The following MBD5 variants were observed in gnomAD, a reference collection of about 807,000 sequenced individuals.
MBD5 encodes the protein methyl-CpG-binding domain protein 5.
In MBD5, 13 loss-of-function variants were observed where a neutral mutation model predicts 117.3. The ratio of observed to expected loss-of-function variants is 0.11; its 90% CI spans 0.07 to 0.18. The LOEUF is 0.18. MBD5 is among the 10% of genes least tolerant of loss of function. The pLI, the probability that MBD5 is intolerant of heterozygous loss-of-function variation, is 1.00. For missense variants in MBD5, 1,879 were observed against 2,093.8 expected (o/e 0.90, Z 2.00); for synonymous variants, 727 against 766.4 (o/e 0.95, Z 0.85).
chr2:148,425,694 A>G (rs1705757539), intron 4 of MBD5, among the ~76,000 whole-genome samples: 1 of 152,238 alleles, frequency 6.6e-6, no homozygotes, highest in African/African-American at 2.4e-5. Flanking sequence ...CACCACGATC[A>G]GGTCAGCTTC....
At chr2:148,170,755 C>T (rs1698244856) in intron 1 of MBD5, among the ~76,000 whole-genome samples, 1 of 151,924 alleles carries the variant, frequency 6.6e-6, no homozygotes, top group South Asian at 2.1e-4. Flanking sequence ...CTAAGAATTG[C>T]CTTATTTTAA....
intron 3 of MBD5, among the ~76,000 whole-genome samples, chr2:148,337,389 A>G (rs991262102): frequency 2.6e-5 from 4 of 152,204 alleles, no homozygotes; most frequent in African/African-American, 7.2e-5. Flanking sequence ...GCTTTATACA[A>G]TGATGCTCTT....
chr2:148,232,978 G>C (rs982262502), intron 2 of MBD5, among the ~76,000 whole-genome samples: 1 of 152,216 alleles, frequency 6.6e-6, no homozygotes, highest in Admixed American at 6.6e-5. Flanking sequence ...TCTCCGATCT[G>C]CCACTGACTA....
chr2:148,209,051 C>T (rs1222785517), intron 2 of MBD5, among the ~76,000 whole-genome samples: 2 of 152,068 alleles, frequency 1.3e-5, no homozygotes, highest in Non-Finnish European at 2.9e-5. Flanking sequence ...TTGGCATTGG[C>T]ATAATATATT....
At chr2:148,294,708 G>A (rs182480097) in intron 3 of MBD5, among the ~76,000 whole-genome samples, 2 of 151,968 alleles carry the variant, frequency 1.3e-5, no homozygotes, top group Admixed American at 6.5e-5. Flanking sequence ...CTTTCACTAT[G>A]TTGCCCAAGC....
chr2:148,340,276 T>C (rs1702903149), intron 3 of MBD5, among the ~76,000 whole-genome samples: 1 of 152,158 alleles, frequency 6.6e-6, no homozygotes, highest in Non-Finnish European at 1.5e-5. Flanking sequence ...TCATTGACAT[T>C]TTTGATTGCC....
chr2:148,482,905 A>G (rs1295790562), intron 8 of MBD5, among the ~76,000 whole-genome samples: 1 of 152,094 alleles, frequency 6.6e-6, no homozygotes, highest in Non-Finnish European at 1.5e-5. Context: ...CGTCTTCAAT[A>G]TATTTATTTT....
intron 4 of MBD5, among the ~76,000 whole-genome samples, chr2:148,411,966 C>G (rs1183184492): frequency 2.0e-5 from 3 of 151,686 alleles, no homozygotes; most frequent in Non-Finnish European, 2.9e-5. Context: ...GGTTATCTTC[C>G]AGGGTTTTTA....
chr2:148,291,952 G>A (rs1183784541), intron 3 of MBD5, among the ~76,000 whole-genome samples: 3 of 152,132 alleles, frequency 2.0e-5, no homozygotes, highest in African/African-American at 7.2e-5. Flanking sequence ...AGTGCCAGAA[G>A]CATACGCTGA....
intron 8 of MBD5, among the ~76,000 whole-genome samples, chr2:148,476,121 A>G (rs1050911026): frequency 1.3e-5 from 2 of 152,142 alleles, no homozygotes; most frequent in Admixed American, 6.6e-5. Context: ...GGGCACAGGT[A>G]TAAGAGAGAG....
At chr2:148,207,166 C>T (rs558717843) in intron 2 of MBD5, among the ~76,000 whole-genome samples, 87 of 152,196 alleles carry the variant, frequency 5.7e-4, no homozygotes, top group African/African-American at 2.1e-3. Flanking sequence ...TGCTTCAGTG[C>T]TTTATTATGT....
chr2:148,486,048 C>T, intron 10 of MBD5, 98 bp downstream of exon 10: 2 of 1,032,416 alleles, frequency 1.9e-6, no homozygotes, highest in Non-Finnish European at 3.1e-6. Context: ...GGTTACGTGC[C>T]CTTTCACCTC....
chr2:148,429,039 C>G (rs1021127871), intron 4 of MBD5, among the ~76,000 whole-genome samples: 3 of 152,018 alleles, frequency 2.0e-5, no homozygotes, highest in Admixed American at 1.3e-4. Flanking sequence ...AAAAGAAACT[C>G]TCATCAGAGT....
chr2:148,276,538 G>A (rs1701118108), intron 3 of MBD5, among the ~76,000 whole-genome samples: 2 of 152,102 alleles, frequency 1.3e-5, no homozygotes. Flanking sequence ...ACTTAAGCAT[G>A]TATCTCTGAA....
At chr2:148,471,517 T>G (rs889771359) in intron 8 of MBD5, 1 of 152,144 alleles carries the variant, frequency 6.6e-6, no homozygotes, top group African/African-American at 2.4e-5. Context: ...CTGAGGTTTT[T>G]AATAATAAGC....
In MBD5 at chr2:148,463,901, A is replaced by C. The variant is rs781432636; in HGVS notation, c.379A>C (p.Ser127Arg). The C allele has an allele frequency of 2.5e-6, 4 of 1,613,608 alleles. No homozygotes were observed. In the Admixed American group the frequency reaches 6.7e-5, roughly 27 times the overall value. The part of the protein sequence containing the change: ...EAPHPSLVLT[S>R]PGGGTNATPV... ...CCCACATCCTTCTCTGGTGCTCACC[A>C]GTCCCGGAGGAGGAACAAGTATGTA... Residue 127 changes from serine (S) to arginine (R), a missense_variant, in exon 7 of 14, where the codon AGT (serine) becomes CGT (arginine). Physicochemically the swap from Ser to Arg is moderately radical, Grantham distance 110. Coordinates refer to ENST00000642680, the MANE Select transcript of MBD5 (RefSeq NM_001378120.1).
chr2:148,430,145 C>T (rs369886027), intron 4 of MBD5, among the ~76,000 whole-genome samples: 8 of 152,254 alleles, frequency 5.3e-5, no homozygotes, highest in African/African-American at 1.4e-4. Context: ...ATTTCCCTTG[C>T]GGCCAACTAT....
At chr2:148,230,511 A>C (rs956452550) in intron 2 of MBD5, among the ~76,000 whole-genome samples, 1 of 152,062 alleles carries the variant, frequency 6.6e-6, no homozygotes, top group Non-Finnish European at 1.5e-5. Context: ...GGAACCTGGG[A>C]CCCCAATAAC....
In MBD5 at chr2:148,420,140, CT is replaced by C. The variant is rs111966285; in HGVS notation, c.-556-38056del. ...TCCCCTTTATATGAGCATTTAATGA[CT>C]TTTTTTATTATACTTTTCATGAGAC... On this transcript the variant is annotated intron_variant, in intron 4 of 13. Transcript: ENST00000642680. 3.0e-3 allele frequency among the ~76,000 whole-genome samples: 451 copies of C among 152,208 alleles called. 3 individuals are homozygous for C. The highest frequency in any genetic ancestry group is 0.01 in the African/African-American group (432 of 41,544).
Sources: allele counts gnomAD v4.1 joint callset (sites outside exome capture counted in the v4.1 genomes callset), GRCh38; gene constraint gnomAD v4.1.1; transcripts MANE v1.5; gene names NCBI Gene and HGNC (gene_info 2026-07-23, HGNC 2026-07-21).